ANKS1B: variants seen among roughly 807,000 people sequenced by gnomAD.
The protein encoded by ANKS1B is ankyrin repeat and sterile alpha motif domain containing 1B, also known as ankyrin repeat and sterile alpha motif domain-containing protein 1B.
A neutral mutation model predicts 148.3 loss-of-function variants in ANKS1B; 36 were observed. The observed-to-expected ratio is 0.24, with a 90% confidence interval of 0.19 to 0.32. ANKS1B has a LOEUF of 0.32. ANKS1B is among the 10% of genes least tolerant of loss of function. ANKS1B has a pLI of 1.00. For missense variants in ANKS1B, 1,157 were observed against 1,542.6 expected (o/e 0.75, Z 4.19); for synonymous variants, 542 against 560.8 (o/e 0.97, Z 0.47).
rs181155797 is a variant in ANKS1B, at chr12:98,792,176, C to A, written c.3342+6758G>T. Among the ~76,000 whole-genome samples, 17 of 152,194 alleles carry A rather than the reference C, an allele frequency of 1.1e-4. No individual in the cohort carries two copies. In the East Asian group the frequency reaches 3.3e-3, roughly 29 times the overall value. ...CCTTTGGGAAATAAAAGTTCCAAGA[C>A]CTAAATACACTAGATTTGCTTATTT... On this transcript the variant is annotated intron_variant, in intron 22 of 26. Coordinates refer to ENST00000683438, the MANE Select transcript of ANKS1B (RefSeq NM_001352186.2).
intron 8 of ANKS1B, among the ~76,000 whole-genome samples, chr12:99,689,116 T>C (rs976143715): frequency 5.9e-5 from 9 of 152,208 alleles, no homozygotes; most frequent in Non-Finnish European, 1.2e-4. Flanking sequence ...CATTACACTA[T>C]TGTAAATATC....
rs150609635 is a variant in ANKS1B at position 99,099,635 on chromosome 12, C to T, written c.2527-14612G>A. Among the ~76,000 whole-genome samples, 273 of 152,246 alleles carry T rather than the reference C, an allele frequency of 1.8e-3. 1 individual carries two copies. Among genetic ancestry groups the T allele is most frequent in the South Asian group, 6.9e-3 (33 of 4,810 alleles). On this transcript the variant is annotated intron_variant, in intron 15 of 26. Coordinates refer to ENST00000683438, the MANE Select transcript of ANKS1B (RefSeq NM_001352186.2). ...GTCTTTTTTGACCAGATCAAGGCAT[C>T]CTTTGGATAAAAACACAAAATATAA...
At chr12:99,062,148 C>A (rs995747785) in intron 16 of ANKS1B, among the ~76,000 whole-genome samples, 5 of 152,172 alleles carry the variant, frequency 3.3e-5, no homozygotes, top group Admixed American at 2.0e-4. Flanking sequence ...AGAGTGTTGG[C>A]AACTCCACTT....
At chr12:99,546,780 A>ATTT (rs2153148229) in intron 9 of ANKS1B, among the ~76,000 whole-genome samples, 1 of 152,304 alleles carries the variant, frequency 6.6e-6, no homozygotes, top group African/African-American at 2.4e-5. Flanking sequence ...ATAGTTAACT[A>ATTT]TAACAGGATT....
chr12:98,962,644 C>T (rs552348151), intron 17 of ANKS1B, among the ~76,000 whole-genome samples: 24 of 152,202 alleles, frequency 1.6e-4, no homozygotes, highest in African/African-American at 5.5e-4. Flanking sequence ...TCAGAGTACG[C>T]ATTCTTCTCG....
Position 99,842,513 on chromosome 12 carries a change from CAG to C in ANKS1B, c.135-17126_135-17125del, listed in dbSNP as rs750012042. ...AGAACCTCCACCCTTGAGATCTTAT[CAG>C]ATTCCTCATCCTCCACCATCCCTCA... On this transcript the variant is annotated intron_variant, in intron 1 of 26. Coordinates refer to ENST00000683438, the MANE Select transcript of ANKS1B (RefSeq NM_001352186.2). Among the ~76,000 whole-genome samples the C allele has an allele frequency of 3.9e-5, 6 of 152,242 alleles. No homozygotes were observed. In the South Asian group the frequency reaches 1.0e-3, roughly 26 times the overall value.
chr12:99,515,292 C>G (rs765374283), intron 9 of ANKS1B, among the ~76,000 whole-genome samples: 1 of 151,908 alleles, frequency 6.6e-6, no homozygotes, highest in African/African-American at 2.4e-5. Flanking sequence ...TGTTTTGAAC[C>G]AATAACCATC....
intron 1 of ANKS1B, among the ~76,000 whole-genome samples, chr12:99,942,531 A>T (rs1344683092): frequency 4.6e-5 from 7 of 152,130 alleles, no homozygotes; most frequent in Admixed American, 3.3e-4. Context: ...GGAAGAAAAA[A>T]ATTTAGGCTA....
intron 4 of ANKS1B, among the ~76,000 whole-genome samples, chr12:99,802,402 G>A (rs1356286873): frequency 6.6e-6 from 1 of 152,002 alleles, no homozygotes; most frequent in East Asian, 1.9e-4. Flanking sequence ...AGAGAAAACT[G>A]CCCATTCAAC....
Position 99,394,427 on chromosome 12 carries a change from A to C in ANKS1B, c.1756+5204T>G, listed in dbSNP as rs528720273. Among the ~76,000 whole-genome samples the C allele has an allele frequency of 1.5e-4, 23 of 152,104 alleles. No homozygotes were observed. The East Asian group carries it at 4.4e-3, about 29-fold the overall frequency. Reference sequence around the variant, plus strand: ...GAAGAAATTCCTTCAAGGGTAGTCTATCATTACTCTAAGTCCTCTCCTCCC... The same window carrying C: ...GAAGAAATTCCTTCAAGGGTAGTCTCTCATTACTCTAAGTCCTCTCCTCCC... On this transcript the variant is annotated intron_variant, in intron 12 of 26. Coordinates refer to ENST00000683438, the MANE Select transcript of ANKS1B (RefSeq NM_001352186.2).
chr12:99,000,209 A>G (rs1160951830), intron 17 of ANKS1B, among the ~76,000 whole-genome samples: 1 of 151,610 alleles, frequency 6.6e-6, no homozygotes, highest in African/African-American at 2.4e-5. Flanking sequence ...AGGGGAGGGT[A>G]GTGAAGGGCT....
chr12:99,525,932 G>A (rs2096922464), intron 9 of ANKS1B, among the ~76,000 whole-genome samples: 1 of 151,720 alleles, frequency 6.6e-6, no homozygotes, highest in Admixed American at 6.6e-5. Context: ...ATAACAAAGG[G>A]TTAATCTCTT....
chr12:99,980,328 A>G (rs1258999671), intron 1 of ANKS1B, among the ~76,000 whole-genome samples: 1 of 152,054 alleles, frequency 6.6e-6, no homozygotes, highest in Non-Finnish European at 1.5e-5. Flanking sequence ...ATTACATAAT[A>G]CATATTCATT....
intron 14 of ANKS1B, among the ~76,000 whole-genome samples, chr12:99,200,399 T>G (rs918026828): frequency 1.3e-5 from 2 of 152,228 alleles, no homozygotes. Context: ...TTAGATAGAA[T>G]GGCTAGATGG....
At chr12:99,157,337 A>G (rs1410878980) in intron 14 of ANKS1B, among the ~76,000 whole-genome samples, 2 of 152,238 alleles carry the variant, frequency 1.3e-5, no homozygotes, top group African/African-American at 4.8e-5. Context: ...TGAATATACT[A>G]CATGGAAATT....
At chr12:99,805,044 A>T (rs2067414600) in intron 4 of ANKS1B, among the ~76,000 whole-genome samples, 4 of 152,108 alleles carry the variant, frequency 2.6e-5, no homozygotes, top group Admixed American at 2.0e-4. Context: ...CAGAAGAACC[A>T]TCAGTTGAGC....
chr12:99,831,109 C>A lies in ANKS1B; in HGVS notation c.135-5720G>T, dbSNP rs550394217. ...TAGAATGAAAGCTCCACCACACTAT[C>A]TTTGGGTCTTAAAACAGTGACTGGA... On this transcript the variant is annotated intron_variant, in intron 1 of 26. Coordinates refer to ENST00000683438, the MANE Select transcript of ANKS1B (RefSeq NM_001352186.2). Among the ~76,000 whole-genome samples, 11 of 151,964 alleles carry A rather than the reference C, an allele frequency of 7.2e-5. No homozygotes were observed. The South Asian group carries it at 2.3e-3, about 32-fold the overall frequency.
chr12:99,826,101 A>G (rs2083157632), intron 1 of ANKS1B, among the ~76,000 whole-genome samples: 1 of 152,234 alleles, frequency 6.6e-6, no homozygotes, highest in Non-Finnish European at 1.5e-5. Flanking sequence ...TTCCAAAAAT[A>G]GAACAAAAAA....
At chr12:98,831,522 T>C (rs940768124) in intron 18 of ANKS1B, 1 of 153,080 alleles carries the variant, frequency 6.5e-6, no homozygotes, top group African/African-American at 2.4e-5. Context: ...GGAGTGGTTC[T>C]TTAAAGGTAG....
Sources: gnomAD v4.1 joint callset for allele counts (sites outside exome capture counted in the v4.1 genomes callset) on GRCh38, gnomAD v4.1.1 for gene constraint, MANE v1.5 for transcripts, NCBI Gene and HGNC (gene_info 2026-07-23, HGNC 2026-07-21) for gene names.